The following ATRX variants were observed in gnomAD, a reference collection of about 807,000 sequenced individuals.
The protein encoded by ATRX is ATRX chromatin remodeler.
ATRX carries 12 observed loss-of-function variants against 172.6 expected under a neutral mutation model. The ratio of observed to expected loss-of-function variants is 0.07; its 90% CI spans 0.04 to 0.11. ATRX has a LOEUF of 0.11. Among genes scored for constraint, ATRX ranks in the 10% least tolerant of loss-of-function variants. The probability of loss-of-function intolerance (pLI) is 1.00; values close to 1 mark genes in which losing one functional copy is unlikely to be tolerated. For missense variants in ATRX, 1,368 were observed against 1,767.4 expected (o/e 0.77, Z 4.05); for synonymous variants, 674 against 594.7 (o/e 1.13, Z -1.94).
At position 77,633,559 on chromosome X, in the gene ATRX, A is replaced by C; in HGVS notation, c.4956+7T>G. 1 of 1,202,978 alleles carries C rather than the reference A, an allele frequency of 8.3e-7. No homozygotes were observed. The highest frequency in any genetic ancestry group is 1.8e-5 in the South Asian group (1 of 55,596). On this transcript the variant is annotated splice_region_variant and intron_variant, in intron 18 of 34. Transcript: ENST00000373344. ...TTTAATAATAGAAAACATTTAAAATAAGTTACCTCAAGCTTCTCATCATCT... is the reference window on the plus strand; with the variant it reads ...TTTAATAATAGAAAACATTTAAAATCAGTTACCTCAAGCTTCTCATCATCT...
chrX:77,719,649 A>G (rs1401991594), intron 1 of ATRX, among the ~76,000 whole-genome samples: 1 of 111,669 alleles, frequency 9.0e-6, no homozygotes, highest in Non-Finnish European at 1.9e-5. Flanking sequence ...CTAAATATAT[A>G]TGTACCCAAT....
chrX:77,751,190 C>G (rs1557187447), intron 1 of ATRX, among the ~76,000 whole-genome samples: 1 of 112,442 alleles, frequency 8.9e-6, no homozygotes, highest in East Asian at 2.8e-4. Flanking sequence ...TCTCCAGCAT[C>G]TGTTGTTTCC....
chrX:77,589,393 A>C (rs2066151087), intron 27 of ATRX, among the ~76,000 whole-genome samples: 1 of 112,175 alleles, frequency 8.9e-6, no homozygotes, highest in Admixed American at 9.5e-5. Flanking sequence ...TCTACACTTT[A>C]AATGGGTGAA....
At position 77,693,950 on chromosome X, in the gene ATRX, C is replaced by A; in HGVS notation, c.371-13G>T. The stretch of plus-strand genomic sequence containing the variant: ...ACAATCACTGTACCTAGAATGATTT[C>A]ATTTAAAAAACCATTACACATATTA... On this transcript the variant is annotated splice_polypyrimidine_tract_variant and intron_variant, in intron 5 of 34. Coordinates refer to ENST00000373344, the MANE Select transcript of ATRX (RefSeq NM_000489.6). The A allele has an allele frequency of 8.7e-7, 1 of 1,144,361 alleles. No individual in the cohort carries two copies. The highest frequency in any genetic ancestry group is 1.2e-6 in the Non-Finnish European group (1 of 835,574). The allele number at this position is 1,144,361 out of a possible 1,213,427, so 94.3% of individuals were successfully genotyped here.
At chrX:77,737,355 G>A (rs1333019133) in intron 1 of ATRX, among the ~76,000 whole-genome samples, 6 of 98,115 alleles carry the variant, frequency 6.1e-5, no homozygotes, top group African/African-American at 1.1e-4. Flanking sequence ...CCCAGGAGGC[G>A]GAGGTTACAG....
chrX:77,535,873 A>G (rs2063730951), intron 30 of ATRX, among the ~76,000 whole-genome samples: 2 of 106,522 alleles, frequency 1.9e-5, no homozygotes, highest in African/African-American at 6.9e-5. Context: ...GCCTGCCACC[A>G]CCACATGCCT....
chrX:77,698,314 G>A (rs1422017985), intron 3 of ATRX, among the ~76,000 whole-genome samples: 1 of 111,293 alleles, frequency 9.0e-6, no homozygotes, highest in Non-Finnish European at 1.9e-5. Flanking sequence ...AAACACCTTT[G>A]GGGCAATATA....
intron 1 of ATRX, among the ~76,000 whole-genome samples, chrX:77,766,851 T>C (rs1416877080): frequency 3.6e-5 from 4 of 111,431 alleles, no homozygotes; most frequent in Non-Finnish European, 7.6e-5. Flanking sequence ...TCTCGGCACT[T>C]TGGGAGGCCA....
intron 2 of ATRX, among the ~76,000 whole-genome samples, chrX:77,706,988 A>C (rs2072861092): frequency 8.9e-6 from 1 of 112,682 alleles, no homozygotes; most frequent in African/African-American, 3.2e-5. Flanking sequence ...TTGAAATATG[A>C]ATAGATAAAC....
chrX:77,582,262 T>G (rs1557074364), intron 27 of ATRX, among the ~76,000 whole-genome samples: 1 of 109,677 alleles, frequency 9.1e-6, no homozygotes, highest in Non-Finnish European at 1.9e-5. Flanking sequence ...TAGCTGGGCA[T>G]GGTGGCGGGC....
intron 11 of ATRX, 95 bp from the exon 12 acceptor site, chrX:77,663,653 A>G: frequency 1.3e-6 from 1 of 755,164 alleles, no homozygotes; most frequent in Non-Finnish European, 1.9e-6. Flanking sequence ...AACTTATGAA[A>G]AAAATCAGAG....
intron 4 of ATRX, among the ~76,000 whole-genome samples, chrX:77,697,287 T>G (rs1176461045): frequency 9.0e-6 from 1 of 111,588 alleles, no homozygotes; most frequent in Non-Finnish European, 1.9e-5. Flanking sequence ...TTGTCCTTTT[T>G]CAAGGACATA....
rs1340147316 is a variant in ATRX, at chrX:77,707,892, G to A, written c.133+9239C>T. ...ATCACAATGAGATACTACTTCACATGCACTAGAATGGCTAGAATCAAAAAG... is the reference window on the plus strand; with the variant it reads ...ATCACAATGAGATACTACTTCACATACACTAGAATGGCTAGAATCAAAAAG... On this transcript the variant is annotated intron_variant, in intron 2 of 34. Transcript: ENST00000373344. 5.3e-5 allele frequency among the ~76,000 whole-genome samples: 6 copies of A among 112,333 alleles called. No homozygotes were observed. In the Admixed American group the frequency reaches 5.7e-4, roughly 11 times the overall value.
intron 30 of ATRX, among the ~76,000 whole-genome samples, chrX:77,528,038 T>G (rs782039937): frequency 8.3e-3 from 20 of 2,399 alleles, no homozygotes; most frequent in South Asian, 0.032. Context: ...GAGCTGGGGG[T>G]GGTGGGGGGG....
At chrX:77,592,524 T>A (rs1456869818) in intron 26 of ATRX, among the ~76,000 whole-genome samples, 2 of 109,207 alleles carry the variant, frequency 1.8e-5, no homozygotes, top group Non-Finnish European at 3.8e-5. Flanking sequence ...AAAAATATGT[T>A]TTTGGAGGCC....
intron 1 of ATRX, among the ~76,000 whole-genome samples, chrX:77,784,151 C>T (rs2148989137): frequency 8.9e-6 from 1 of 111,908 alleles, no homozygotes; most frequent in South Asian, 3.7e-4. Flanking sequence ...GGTTCAATTC[C>T]AGCTCCACCA....
chrX:77,574,619 T>C (rs2065542598), intron 27 of ATRX, among the ~76,000 whole-genome samples: 1 of 111,942 alleles, frequency 8.9e-6, no homozygotes, highest in African/African-American at 3.2e-5. Flanking sequence ...CTTAAAAGGG[T>C]TTCCTTGATT....
Position 77,766,845 on chromosome X carries a change from G to A in ATRX, c.20+19137C>T, listed in dbSNP as rs782807046. ...GCGGCCGGGCAGAGGCTGCAATCTC[G>A]GCACTTTGGGAGGCCAAGGCAGGTG... On this transcript the variant is annotated intron_variant, in intron 1 of 34. Coordinates refer to ENST00000373344, the MANE Select transcript of ATRX (RefSeq NM_000489.6). 3.6e-5 allele frequency among the ~76,000 whole-genome samples: 4 copies of A among 111,883 alleles called. No homozygotes were observed. The South Asian group carries it at 1.5e-3, about 41-fold the overall frequency.
In ATRX at chrX:77,684,405, A is replaced by C. The variant is rs2071438009; in HGVS notation, c.851T>G (p.Phe284Cys). Reference sequence around the variant, plus strand: ...CTGCAACAACTGTTCTAAATTCTCAAATACGCTGTTACATGCAGTGACCAA... The same window carrying C: ...CTGCAACAACTGTTCTAAATTCTCACATACGCTGTTACATGCAGTGACCAA... ...LDLVTACNSV[F>C]ENLEQLLQQN... The change falls in exon 9 of 35, where the codon TTT (phenylalanine) becomes TGT (cysteine). Residue 284 changes from phenylalanine to cysteine, a missense_variant. Coordinates refer to ENST00000373344, the MANE Select transcript of ATRX (RefSeq NM_000489.6). 1 of 1,209,991 alleles carries C rather than the reference A, an allele frequency of 8.3e-7. No individual in the cohort carries two copies. The highest frequency in any genetic ancestry group is 2.2e-5 in the Admixed American group (1 of 45,794).
Sources: allele counts gnomAD v4.1 joint callset (sites outside exome capture counted in the v4.1 genomes callset), GRCh38; gene constraint gnomAD v4.1.1; transcripts MANE v1.5; gene names NCBI Gene and HGNC (gene_info 2026-07-23, HGNC 2026-07-21).